Variants in THSD7B observed in about 807,000 individuals in gnomAD.
THSD7B encodes the protein thrombospondin type 1 domain containing 7B, also known as thrombospondin type-1 domain-containing protein 7B.
THSD7B carries 138 observed loss-of-function variants against 213.6 expected under a neutral mutation model. The observed-to-expected ratio is 0.65, with a 90% confidence interval of 0.56 to 0.74. The LOEUF (loss-of-function observed/expected upper bound fraction) is 0.74, where lower values mean the gene tolerates loss of function less well. THSD7B is among the 30% of genes least tolerant of loss of function. THSD7B has a pLI of 0.00. For missense variants in THSD7B, 1,931 were observed against 1,991.5 expected (o/e 0.97, Z 0.58); for synonymous variants, 742 against 687.0 (o/e 1.08, Z -1.25).
intron 7 of THSD7B, among the ~76,000 whole-genome samples, chr2:137,195,652 G>T (rs1220530306): frequency 6.6e-6 from 1 of 152,030 alleles, no homozygotes; most frequent in Non-Finnish European, 1.5e-5. Context: ...ATTAATAAAT[G>T]CATGAATAAA....
chr2:136,893,552 A>G (rs375039837), intron 2 of THSD7B, among the ~76,000 whole-genome samples: 1 of 152,168 alleles, frequency 6.6e-6, no homozygotes, highest in Admixed American at 6.6e-5. Flanking sequence ...ATCATAAACT[A>G]AAGACTGAAC....
intron 15 of THSD7B, 40 bp from the exon 16 acceptor site, chr2:137,563,181 A>AAAAT: frequency 6.2e-7 from 1 of 1,600,972 alleles, no homozygotes; most frequent in Middle Eastern, 1.7e-4. Context: ...TATAAGTTGG[A>AAAAT]TAGTTCCACA....
intron 1 of THSD7B, among the ~76,000 whole-genome samples, chr2:136,879,890 G>C (rs1233984323): frequency 6.6e-6 from 1 of 152,122 alleles, no homozygotes; most frequent in Non-Finnish European, 1.5e-5. Context: ...TAATGGTAAA[G>C]GGATCAATTC....
At chr2:137,657,538 A>G (rs1683260426) in intron 24 of THSD7B, among the ~76,000 whole-genome samples, 1 of 152,254 alleles carries the variant, frequency 6.6e-6, no homozygotes, top group African/African-American at 2.4e-5. Flanking sequence ...AAACATACTC[A>G]GAAGTTGAAA....
chr2:137,397,510 T>C (rs1686224231), intron 12 of THSD7B, among the ~76,000 whole-genome samples: 1 of 151,804 alleles, frequency 6.6e-6, no homozygotes, highest in Non-Finnish European at 1.5e-5. Context: ...TCTTCTGGCT[T>C]GTAGGGTTTC....
chr2:136,878,380 G>T (rs13031895), intron 1 of THSD7B, among the ~76,000 whole-genome samples: 3 of 152,146 alleles, frequency 2.0e-5, no homozygotes, highest in Non-Finnish European at 4.4e-5. Context: ...ATAAACATAC[G>T]TGTGCGTGTG....
intron 16 of THSD7B, 121 bp from the exon 17 acceptor site, chr2:137,572,285 T>C: frequency 1.6e-6 from 2 of 1,232,738 alleles, no homozygotes; most frequent in Non-Finnish European, 1.1e-6. Context: ...TTCCCCTTGG[T>C]TTCTGTGCTG....
At position 137,231,115 on chromosome 2, in the gene THSD7B, C is replaced by A. The variant is rs1290893311; in HGVS notation, c.1795C>A (p.Arg599=). 8 of 1,613,778 alleles carry A rather than the reference C, an allele frequency of 5.0e-6. No individual in the cohort carries two copies. The highest frequency in any genetic ancestry group is 6.8e-6 in the Non-Finnish European group (8 of 1,179,784). The change falls in exon 8 of 28, where the codon CGA becomes AGA. Residue 599 remains arginine, a synonymous_variant. Coordinates refer to ENST00000409968, the MANE Select transcript of THSD7B (RefSeq NM_001316349.2). ...PERKSCEIPC[R]MDCVLSEWTE... ...GAGGAAGTCTTGTGAAATTCCCTGCCGAATGGACTGTGTGCTGAGCGAGTG... is the reference window on the plus strand; with the variant it reads ...GAGGAAGTCTTGTGAAATTCCCTGCAGAATGGACTGTGTGCTGAGCGAGTG...
intron 17 of THSD7B, among the ~76,000 whole-genome samples, chr2:137,608,578 A>G (rs1350107515): frequency 6.6e-6 from 1 of 152,196 alleles, no homozygotes; most frequent in Non-Finnish European, 1.5e-5. Flanking sequence ...GGGAGGTTGA[A>G]GAGATGTGTG....
intron 15 of THSD7B, among the ~76,000 whole-genome samples, chr2:137,477,873 GT>G (rs907732977): frequency 9.4e-5 from 14 of 148,750 alleles, no homozygotes; most frequent in South Asian, 4.2e-4. Flanking sequence ...TTGACTGATA[GT>G]TTTTTTTTTC....
Position 137,003,929 on chromosome 2 carries a change from T to TA in THSD7B, c.140-52490dup, listed in dbSNP as rs560308367. Among the ~76,000 whole-genome samples the TA allele has an allele frequency of 8.1e-4, 123 of 152,332 alleles. 2 individuals are homozygous for TA. Among genetic ancestry groups the TA allele is most frequent in the African/African-American group, 2.9e-3 (122 of 41,578 alleles). On this transcript the variant is annotated intron_variant, in intron 2 of 27. Coordinates refer to ENST00000409968, the MANE Select transcript of THSD7B (RefSeq NM_001316349.2). ...GCATTTTATTTTTTCTATACTATGTTACTTTTTGGTGCTAAAAATGTTATA... is the reference window on the plus strand; with the variant it reads ...GCATTTTATTTTTTCTATACTATGTTAACTTTTTGGTGCTAAAAATGTTATA...
At chr2:137,270,306 C>A (rs1016117597) in intron 10 of THSD7B, among the ~76,000 whole-genome samples, 3 of 152,072 alleles carry the variant, frequency 2.0e-5, no homozygotes, top group African/African-American at 7.2e-5. Context: ...GCTACTGATG[C>A]AGCCCATCTC....
intron 12 of THSD7B, among the ~76,000 whole-genome samples, chr2:137,383,629 A>G (rs1054959092): frequency 2.0e-5 from 3 of 152,188 alleles, no homozygotes; most frequent in African/African-American, 7.2e-5. Flanking sequence ...GACCACCCAC[A>G]TGAGCTTGTG....
chr2:137,463,627 G>A (rs538414399), intron 15 of THSD7B, among the ~76,000 whole-genome samples: 1 of 152,162 alleles, frequency 6.6e-6, no homozygotes, highest in Admixed American at 6.6e-5. Flanking sequence ...AAGCCTGGAA[G>A]TAAAAGTCTC....
intron 15 of THSD7B, among the ~76,000 whole-genome samples, chr2:137,473,354 A>G (rs925196117): frequency 6.6e-6 from 1 of 151,784 alleles, no homozygotes; most frequent in Non-Finnish European, 1.5e-5. Context: ...CACTACAGGC[A>G]CCCGCCACCA....
chr2:136,775,775 T>C (rs1333920026), intron 1 of THSD7B, among the ~76,000 whole-genome samples: 2 of 152,114 alleles, frequency 1.3e-5, no homozygotes, highest in Non-Finnish European at 2.9e-5. Context: ...GTGAAGCCCC[T>C]TTAAGTATCC....
At chr2:137,118,617 A>G (rs972583480) in intron 5 of THSD7B, among the ~76,000 whole-genome samples, 2 of 152,156 alleles carry the variant, frequency 1.3e-5, no homozygotes, top group African/African-American at 4.8e-5. Context: ...AATGGAACAC[A>G]GTTTAGCTCT....
rs1282596626 is a variant in THSD7B at position 137,544,313 on chromosome 2, ATAT to A, written c.3139-18904_3139-18902del. On this transcript the variant is annotated intron_variant, in intron 15 of 27. Coordinates refer to ENST00000409968, the MANE Select transcript of THSD7B (RefSeq NM_001316349.2). The stretch of plus-strand genomic sequence containing the variant: ...ATGTGTTCATGGATGAACTTTGAAA[ATAT>A]TATGCTAAATGAAAGTAGCCAAAAA... Among the ~76,000 whole-genome samples the A allele has an allele frequency of 3.3e-5, 5 of 151,938 alleles. No individual in the cohort carries two copies. The South Asian group carries it at 1.0e-3, about 31-fold the overall frequency.
intron 15 of THSD7B, among the ~76,000 whole-genome samples, chr2:137,556,701 C>G (rs979651144): frequency 1.3e-5 from 2 of 152,072 alleles, no homozygotes; most frequent in African/African-American, 4.8e-5. Context: ...CAATATTAAC[C>G]TTAAATGTAA....
Sources: gnomAD v4.1 joint callset for allele counts (sites outside exome capture counted in the v4.1 genomes callset) on GRCh38, gnomAD v4.1.1 for gene constraint, MANE v1.5 for transcripts, NCBI Gene and HGNC (gene_info 2026-07-23, HGNC 2026-07-21) for gene names.